The following ESYT2 variants were observed in gnomAD, a reference collection of about 807,000 sequenced individuals.
ESYT2 encodes extended synaptotagmin-2.
ESYT2 carries 54 observed loss-of-function variants against 107.2 expected under a neutral mutation model. The ratio of observed to expected loss-of-function variants is 0.50; its 90% confidence interval spans 0.40 to 0.63. ESYT2 has a LOEUF of 0.63. Ranked by LOEUF, ESYT2 falls within the 30% of genes least tolerant of loss-of-function variation. The probability of loss-of-function intolerance (pLI) is 0.00; values close to 1 mark genes in which losing one functional copy is unlikely to be tolerated. For synonymous variants in ESYT2, 491 were observed against 434.1 expected (o/e 1.13, Z -1.63); for missense variants, 1,020 against 1,094.5 (o/e 0.93, Z 0.96).
chr7:158,756,528 G>A (rs1182702876), intron 13 of ESYT2, among the ~76,000 whole-genome samples: 1 of 152,108 alleles, frequency 6.6e-6, no homozygotes, highest in Non-Finnish European at 1.5e-5. Flanking sequence ...CTATCTTCAC[G>A]TGACCATCCC....
chr7:158,768,890 A>G (rs1329456992), intron 7 of ESYT2, among the ~76,000 whole-genome samples: 1 of 152,204 alleles, frequency 6.6e-6, no homozygotes, highest in African/African-American at 2.4e-5. Flanking sequence ...AAACATATAT[A>G]TATGTCCTAT....
At chr7:158,812,172 G>A (rs1157930399) in intron 1 of ESYT2, among the ~76,000 whole-genome samples, 1 of 152,236 alleles carries the variant, frequency 6.6e-6, no homozygotes, top group East Asian at 1.9e-4. Context: ...CCTTCCAGAG[G>A]ACGGGGGAGC....
At chr7:158,817,040 C>T (rs1343069623) in intron 1 of ESYT2, among the ~76,000 whole-genome samples, 1 of 152,182 alleles carries the variant, frequency 6.6e-6, no homozygotes, top group Non-Finnish European at 1.5e-5. Context: ...TCAACACCAG[C>T]TTTATATAAC....
chr7:158,735,655 T>C, intron 20 of ESYT2, 47 bp from the exon 21 acceptor site: 1 of 1,515,128 alleles, frequency 6.6e-7, no homozygotes, highest in Non-Finnish European at 9.1e-7. Context: ...TTCTGCTGTA[T>C]TTTCTTATAA....
intron 1 of ESYT2, among the ~76,000 whole-genome samples, chr7:158,815,485 G>A (rs894782832): frequency 6.6e-6 from 1 of 152,026 alleles, no homozygotes; most frequent in Non-Finnish European, 1.5e-5. Context: ...TCCCCCTCAT[G>A]CTTAGATATG....
At chr7:158,754,351 C>T (rs1413061050) in intron 13 of ESYT2, among the ~76,000 whole-genome samples, 1 of 152,094 alleles carries the variant, frequency 6.6e-6, no homozygotes, top group East Asian at 1.9e-4. Flanking sequence ...GGACTACAGG[C>T]ATGCACCACC....
chr7:158,787,996 T>C lies in ESYT2; in HGVS notation c.747+8A>G. On this transcript the variant is annotated splice_region_variant and intron_variant, in intron 6 of 22. Transcript: ENST00000275418. Reference sequence around the variant, plus strand: ...GGGAAAATAAAAATGAAATAAATATTGACTTACTGGTTTCCTAAGGAAGAA... The same window carrying C: ...GGGAAAATAAAAATGAAATAAATATCGACTTACTGGTTTCCTAAGGAAGAA... 6.2e-7 allele frequency: 1 copy of C among 1,605,662 alleles called. No homozygotes were observed. The highest frequency in any genetic ancestry group is 8.5e-7 in the Non-Finnish European group (1 of 1,172,586).
chr7:158,781,764 AGT>A (rs1838832238), intron 6 of ESYT2, among the ~76,000 whole-genome samples: 1 of 152,000 alleles, frequency 6.6e-6, no homozygotes, highest in Non-Finnish European at 1.5e-5. Context: ...GAGAGATGTG[AGT>A]GTAAGAACGA....
rs987112129 is a variant in ESYT2 at position 158,797,930 on chromosome 7, G to A, written c.507+12C>T. 2 of 1,613,056 alleles carry A rather than the reference G, an allele frequency of 1.2e-6. No homozygotes were observed. The highest frequency in any genetic ancestry group is 1.7e-6 in the Non-Finnish European group (2 of 1,179,724). ...ACTGTGTGCACGTGAGGATACTTAAGAGAACACTGACCTGCTGGCCCACGT... is the reference window on the plus strand; with the variant it reads ...ACTGTGTGCACGTGAGGATACTTAAAAGAACACTGACCTGCTGGCCCACGT... On this transcript the variant is annotated intron_variant, in intron 3 of 22. Transcript: ENST00000275418.
chr7:158,750,015 G>A lies in ESYT2; in HGVS notation c.1483-292C>T, dbSNP rs74303878. 4.8e-3 allele frequency among the ~76,000 whole-genome samples: 733 copies of A among 152,202 alleles called. 45 individuals carry two copies. The East Asian group carries it at 0.12, about 24-fold the overall frequency. ...ATTCTTAATGTTAATCACACTTTTC[G>A]AAAGTTCTTTTATTTACAAGGATAA... is the stretch of plus-strand genomic sequence containing the variant. On this transcript the variant is annotated intron_variant, in intron 14 of 22. Transcript: ENST00000275418.
chr7:158,756,520 A>C lies in ESYT2; in HGVS notation c.1419+2966T>G, dbSNP rs113662022. Among the ~76,000 whole-genome samples the C allele has an allele frequency of 4.8e-3, 732 of 152,352 alleles. 12 individuals are homozygous for C. The highest frequency in any genetic ancestry group is 0.016 in the African/African-American group (663 of 41,582). ...TTATTTAAAAAATGGGTGAATTTCT[A>C]TCTTCACGTGACCATCCCCCAAATG... is the stretch of plus-strand genomic sequence containing the variant. On this transcript the variant is annotated intron_variant, in intron 13 of 22. Transcript: ENST00000275418.
At chr7:158,776,855 CTTT>C (rs746847104) in intron 6 of ESYT2, among the ~76,000 whole-genome samples, 4 of 140,326 alleles carry the variant, frequency 2.9e-5, no homozygotes, top group Admixed American at 7.1e-5. Flanking sequence ...TCTAGCTTCG[CTTT>C]TTTTTTTTTT....
intron 4 of ESYT2, among the ~76,000 whole-genome samples, chr7:158,793,185 A>G (rs893101463): frequency 1.3e-5 from 2 of 152,146 alleles, no homozygotes; most frequent in Admixed American, 6.5e-5. Context: ...ATTTTGTTAA[A>G]TGCTTTTTCT....
In ESYT2 at chr7:158,797,582, G is replaced by A. The variant is rs75242774; in HGVS notation, c.507+360C>T. 4.8e-3 allele frequency among the ~76,000 whole-genome samples: 735 copies of A among 152,130 alleles called. 43 individuals are homozygous for A. The East Asian group carries it at 0.12, about 24-fold the overall frequency. ...AAGAAAATGTGTTTTTCGGCCAGGC[G>A]CGGTGGCTCACACCTGTAGTCCCAG... On this transcript the variant is annotated intron_variant, in intron 3 of 22. Coordinates refer to ENST00000275418, the MANE Select transcript of ESYT2 (RefSeq NM_001367773.1).
chr7:158,738,350 C>A (rs1228411545), intron 19 of ESYT2, among the ~76,000 whole-genome samples: 71 of 102,006 alleles, frequency 7.0e-4, no homozygotes, highest in African/African-American at 2.6e-3. Flanking sequence ...CACAGACACA[C>A]ACACACACAC....
At chr7:158,781,252 AGT>A (rs1222267780) in intron 6 of ESYT2, among the ~76,000 whole-genome samples, 15 of 151,996 alleles carry the variant, frequency 9.9e-5, no homozygotes, top group African/African-American at 2.7e-4. Context: ...AGTGAGAACC[AGT>A]GTGAGTGAAC....
At chr7:158,762,754 A>G (rs1219274035) in intron 10 of ESYT2, among the ~76,000 whole-genome samples, 1 of 152,252 alleles carries the variant, frequency 6.6e-6, no homozygotes, top group African/African-American at 2.4e-5. Flanking sequence ...AGAACTCAAT[A>G]CGGCGGCAGG....
At chr7:158,805,099 G>A (rs2129473778) in intron 1 of ESYT2, among the ~76,000 whole-genome samples, 1 of 152,270 alleles carries the variant, frequency 6.6e-6, no homozygotes, top group South Asian at 2.1e-4. Context: ...CACATCAGTG[G>A]GGATCTCTGC....
chr7:158,761,394 C>G lies in ESYT2; in HGVS notation c.1233+102G>C, dbSNP rs185847733. 189 of 943,026 alleles carry G rather than the reference C, an allele frequency of 2.0e-4. 1 individual carries two copies. In the Admixed American group the frequency reaches 3.7e-3, roughly 18 times the overall value. 58.4% of individuals were successfully genotyped at this position (943,026 alleles called of 1,614,324 possible). A position where few individuals can be genotyped will look rare whatever the true frequency, so the allele number is the denominator to read the frequency against. On this transcript the variant is annotated intron_variant, in intron 11 of 22. Transcript: ENST00000275418. ...TGTTCATGCCATACTAATTAGGATT[C>G]CGGCACTGTGTGATGGTGAAGGGGT... is the stretch of plus-strand genomic sequence containing the variant.
Sources: gnomAD v4.1 joint callset for allele counts (sites outside exome capture counted in the v4.1 genomes callset) on GRCh38, gnomAD v4.1.1 for gene constraint, MANE v1.5 for transcripts, NCBI Gene and HGNC (gene_info 2026-07-23, HGNC 2026-07-21) for gene names.